The following SERINC5 variants were observed in gnomAD, a reference collection of about 807,000 sequenced individuals.
The protein encoded by SERINC5 is serine incorporator 5, also known as chromosome 5 open reading frame 12.
Under a neutral mutation model 63.1 loss-of-function variants are expected in SERINC5, and 41 were observed. The observed-to-expected ratio is 0.65, with a 90% confidence interval of 0.51 to 0.84. SERINC5 has a LOEUF of 0.84. SERINC5 is among the 40% of genes least tolerant of loss of function. The probability of loss-of-function intolerance (pLI) is 0.00; values close to 1 mark genes in which losing one functional copy is unlikely to be tolerated. For synonymous variants in SERINC5, 222 were observed against 215.2 expected (o/e 1.03, Z -0.28); for missense variants, 523 against 573.0 (o/e 0.91, Z 0.89).
intron 1 of SERINC5, among the ~76,000 whole-genome samples, chr5:80,215,338 T>A (rs886758948): frequency 6.6e-6 from 1 of 152,194 alleles, no homozygotes; most frequent in African/African-American, 2.4e-5. Context: ...TCCGCCATGA[T>A]TGGAAGCTTC....
chr5:80,235,791 T>C (rs1477485221), intron 1 of SERINC5, among the ~76,000 whole-genome samples: 1 of 152,176 alleles, frequency 6.6e-6, no homozygotes, highest in Non-Finnish European at 1.5e-5. Context: ...ATAAGTAAGA[T>C]TGAGCATTTT....
Position 80,142,568 on chromosome 5 carries a change from AC to A in SERINC5, c.*1094del, listed in dbSNP as rs1397329841. 1 of 985,256 alleles carries A rather than the reference AC, an allele frequency of 1.0e-6. No homozygotes were observed. Among genetic ancestry groups the A allele is most frequent in the Non-Finnish European group, 1.2e-6 (1 of 829,942 alleles). The allele number at this position is 985,256 out of a possible 1,614,324, so 61.0% of individuals were successfully genotyped here. ...TCTGGTCAGTGTGTCTGAGATCCTC[AC>A]CTCAGAAATTCTCACATTAGCAAAC... On this transcript the variant is annotated 3_prime_UTR_variant, in exon 12 of 12. Transcript: ENST00000507668.
chr5:80,156,788 T>A (rs1490083471), intron 8 of SERINC5, among the ~76,000 whole-genome samples: 1 of 152,080 alleles, frequency 6.6e-6, no homozygotes, highest in African/African-American at 2.4e-5. Context: ...TTATTTATCA[T>A]CTCTCACTCA....
At chr5:80,212,242 T>C (rs952992270) in intron 1 of SERINC5, among the ~76,000 whole-genome samples, 3 of 152,156 alleles carry the variant, frequency 2.0e-5, no homozygotes, top group Admixed American at 6.5e-5. Context: ...GTTCCTCAAA[T>C]ACTGAAGCTG....
intron 1 of SERINC5, among the ~76,000 whole-genome samples, chr5:80,251,154 C>T (rs1016804805): frequency 1.4e-4 from 21 of 152,140 alleles, no homozygotes; most frequent in Non-Finnish European, 2.5e-4. Context: ...TAGAACGCAC[C>T]TGTAGTCCCA....
intron 9 of SERINC5, among the ~76,000 whole-genome samples, chr5:80,148,817 A>ATGAGAGCTTGAGCCTTCATCTCATT (rs1383468717): frequency 1.3e-5 from 2 of 152,198 alleles, no homozygotes; most frequent in African/African-American, 2.4e-5. Flanking sequence ...GGATAAGAAT[A>ATGAGAGCTTGAGCCTTCATCTCATT]TGAGAGCTTG....
intron 2 of SERINC5, among the ~76,000 whole-genome samples, chr5:80,186,197 T>G (rs1748794595): frequency 1.4e-5 from 2 of 142,590 alleles, no homozygotes; most frequent in Admixed American, 7.2e-5. Flanking sequence ...AGTACAGTGG[T>G]GCGATTTCAG....
At chr5:80,255,824 G>C in intron 1 of SERINC5, 72 bp downstream of exon 1, 7 of 1,508,910 alleles carry the variant, frequency 4.6e-6, no homozygotes, top group Non-Finnish European at 6.3e-6. Flanking sequence ...ACCCAGGCAG[G>C]TCCTCCACGC....
intron 2 of SERINC5, among the ~76,000 whole-genome samples, chr5:80,193,589 T>C (rs1749330791): frequency 6.6e-6 from 1 of 152,176 alleles, no homozygotes; most frequent in African/African-American, 2.4e-5. Flanking sequence ...CCAAGGACAG[T>C]ATGTATTGTT....
At chr5:80,183,888 C>G (rs992265175) in intron 2 of SERINC5, among the ~76,000 whole-genome samples, 1 of 151,006 alleles carries the variant, frequency 6.6e-6, no homozygotes, top group Admixed American at 6.6e-5. Flanking sequence ...CTCTTCACAC[C>G]GACGCGCATG....
Position 80,139,594 on chromosome 5 carries a change from A to AGAGAG in SERINC5, c.*4068_*4069insCTCTC. Reference sequence around the variant, plus strand: ...TGTGAAAGAGTTGTTGAGAAAGAAGAAAAGAGAGAGAGAGAGAAAGGTCTA... The same window carrying AGAGAG: ...TGTGAAAGAGTTGTTGAGAAAGAAGAGAGAGAAAGAGAGAGAGAGAGAAAGGTCTA... On this transcript the variant is annotated 3_prime_UTR_variant, in exon 12 of 12. Transcript: ENST00000507668. 3 of 514,924 alleles carry AGAGAG rather than the reference A, an allele frequency of 5.8e-6. No homozygotes were observed. The African/African-American group carries it at 1.7e-4, about 30-fold the overall frequency. The allele number at this position is 514,924 out of a possible 1,614,324, so 31.9% of individuals were successfully genotyped here.
At chr5:80,226,074 T>C (rs1480788172) in intron 1 of SERINC5, among the ~76,000 whole-genome samples, 10 of 151,572 alleles carry the variant, frequency 6.6e-5, no homozygotes, top group African/African-American at 2.4e-4. Flanking sequence ...TGCCTTTTGT[T>C]TGAGACAGTG....
In SERINC5 at chr5:80,140,522, C is replaced by A. The variant is rs967755913; in HGVS notation, c.*3141G>T. The A allele has an allele frequency of 9.9e-6, 9 of 910,692 alleles. No individual in the cohort carries two copies. The highest frequency in any genetic ancestry group is 5.6e-4 in the Middle Eastern group (1 of 1,800). 56.4% of individuals were successfully genotyped at this position (910,692 alleles called of 1,614,324 possible). A position where few individuals can be genotyped will look rare whatever the true frequency, so the allele number is the denominator to read the frequency against. On this transcript the variant is annotated 3_prime_UTR_variant, in exon 12 of 12. Coordinates refer to ENST00000507668, the MANE Select transcript of SERINC5 (RefSeq NM_001174072.3). ...CTCCCCTTCAAAGAGGCTCCAAATA[C>A]CTCTGGCAAATAATTTCTTTTTCAG...
intron 2 of SERINC5, chr5:80,198,594 A>T: frequency 2.0e-6 from 2 of 985,412 alleles, no homozygotes; most frequent in Non-Finnish European, 2.4e-6. Flanking sequence ...CTCCTCTTCC[A>T]GTCACAGTCT....
chr5:80,130,788 C>A (rs967109056), intron 11 of SERINC5, among the ~76,000 whole-genome samples: 2 of 152,154 alleles, frequency 1.3e-5, no homozygotes, highest in Non-Finnish European at 2.9e-5. Flanking sequence ...TTCATTTATT[C>A]ATTTGTCACC....
intron 2 of SERINC5, among the ~76,000 whole-genome samples, chr5:80,183,261 T>C (rs1580128231): frequency 6.6e-6 from 1 of 152,298 alleles, no homozygotes; most frequent in East Asian, 1.9e-4. Flanking sequence ...TTTTGTTTTC[T>C]TCTTTTTTTA....
chr5:80,197,643 C>T (rs1168162762), intron 2 of SERINC5, among the ~76,000 whole-genome samples: 1 of 152,158 alleles, frequency 6.6e-6, no homozygotes, highest in Non-Finnish European at 1.5e-5. Context: ...CTTCCTTCTT[C>T]AGTACAGGTT....
chr5:80,254,632 C>G (rs1452983801), intron 1 of SERINC5, among the ~76,000 whole-genome samples: 1 of 152,170 alleles, frequency 6.6e-6, no homozygotes, highest in African/African-American at 2.4e-5. Flanking sequence ...TTTCTGAAAA[C>G]AGTCTTTCCT....
intron 2 of SERINC5, among the ~76,000 whole-genome samples, chr5:80,201,261 A>C (rs921289096): frequency 3.3e-5 from 5 of 152,040 alleles, no homozygotes; most frequent in Admixed American, 3.3e-4. Flanking sequence ...CCACCTCCTC[A>C]CTTGTTCAGC....
Sources: gnomAD v4.1 joint callset for allele counts (sites outside exome capture counted in the v4.1 genomes callset) on GRCh38, gnomAD v4.1.1 for gene constraint, MANE v1.5 for transcripts, NCBI Gene and HGNC (gene_info 2026-07-23, HGNC 2026-07-21) for gene names.